Variants in ESR1 observed in about 807,000 individuals in gnomAD.
ESR1 encodes the protein estrogen receptor 1.
ESR1 carries 12 observed loss-of-function variants against 52.7 expected under a neutral mutation model. The observed-to-expected ratio is 0.23, with a 90% CI of 0.15 to 0.37. The LOEUF (loss-of-function observed/expected upper bound fraction) is 0.37, where lower values mean the gene tolerates loss of function less well. Among genes scored for constraint, ESR1 ranks in the 10% least tolerant of loss-of-function variants. ESR1 has a pLI of 1.00. For synonymous variants in ESR1, 305 were observed against 316.8 expected (o/e 0.96, Z 0.39); for missense variants, 584 against 779.7 (o/e 0.75, Z 2.99).
chr6:152,084,704 GAA>G (rs34421368), intron 6 of ESR1, among the ~76,000 whole-genome samples: 59 of 122,802 alleles, frequency 4.8e-4, no homozygotes, highest in East Asian at 1.3e-3. Context: ...GCTTTTAATT[GAA>G]AAAAAAAAAA....
At chr6:151,949,818 A>G (rs951700514) in intron 4 of ESR1, among the ~76,000 whole-genome samples, 1 of 152,252 alleles carries the variant, frequency 6.6e-6, no homozygotes, top group African/African-American at 2.4e-5. Context: ...CCTGGATGCT[A>G]TTAAACCTTT....
intron 4 of ESR1, among the ~76,000 whole-genome samples, chr6:151,987,838 G>C (rs12664544): frequency 0.16 from 24,218 of 152,038 alleles, 2,406 homozygotes; most frequent in East Asian, 0.33. Flanking sequence ...AGTATGCCAT[G>C]TCTATCTTTT....
intron 3 of ESR1, among the ~76,000 whole-genome samples, chr6:151,925,947 A>G (rs1255822040): frequency 6.6e-6 from 1 of 152,148 alleles, no homozygotes; most frequent in Non-Finnish European, 1.5e-5. Context: ...TTATATGTTT[A>G]GATCAATGAT....
intron 6 of ESR1, among the ~76,000 whole-genome samples, chr6:152,114,561 T>C (rs929627381): frequency 2.6e-5 from 4 of 152,146 alleles, no homozygotes; most frequent in Admixed American, 2.0e-4. Flanking sequence ...CTTGTTAACA[T>C]TTATTTCGGG....
chr6:151,963,141 A>G (rs777665828), intron 4 of ESR1, among the ~76,000 whole-genome samples: 2 of 151,862 alleles, frequency 1.3e-5, no homozygotes, highest in Non-Finnish European at 2.9e-5. Flanking sequence ...GAGGCTTGTC[A>G]TAAATATTTG....
chr6:151,789,398 AC>A (rs1008763459), intron 2 of ESR1, among the ~76,000 whole-genome samples: 1 of 152,254 alleles, frequency 6.6e-6, no homozygotes, highest in African/African-American at 2.4e-5. Context: ...TTATAAATGA[AC>A]AAATATGGGA....
chr6:151,879,604 A>C (rs764576029), intron 2 of ESR1, among the ~76,000 whole-genome samples: 2 of 152,214 alleles, frequency 1.3e-5, no homozygotes, highest in African/African-American at 2.4e-5. Context: ...AGGGTTCATC[A>C]TAAAATAACG....
intron 2 of ESR1, among the ~76,000 whole-genome samples, chr6:151,751,066 T>C (rs1032296308): frequency 2.0e-5 from 3 of 152,202 alleles, no homozygotes; most frequent in African/African-American, 7.2e-5. Flanking sequence ...AAGTTAGATA[T>C]TTAAGGAAAC....
At chr6:152,002,162 G>T (rs549483408) in intron 4 of ESR1, among the ~76,000 whole-genome samples, 4 of 149,928 alleles carry the variant, frequency 2.7e-5, no homozygotes, top group Non-Finnish European at 4.4e-5. Flanking sequence ...GCAACAACAG[G>T]TGTTCCTCTA....
intron 2 of ESR1, among the ~76,000 whole-genome samples, chr6:151,748,039 CA>C (rs201200355): frequency 0.015 from 2,290 of 152,252 alleles, 155 homozygotes; most frequent in Admixed American, 0.13. Flanking sequence ...CTATATTTAG[CA>C]CTTCCAGGAA....
rs2047512424 is a variant in ESR1 at position 152,061,180 on chromosome 6, T to G, written c.1369+56T>G. The G allele has an allele frequency of 6.4e-7, 1 of 1,565,230 alleles. No individual in the cohort carries two copies. The highest frequency in any genetic ancestry group is 8.8e-7 in the Non-Finnish European group (1 of 1,137,002). ...TGGATGAAATGTTTATTTGTAGTTT[T>G]CAACCAGATACGATCTACCCACTCC... is the stretch of plus-strand genomic sequence containing the variant. On this transcript the variant is annotated intron_variant, in intron 6 of 7. Transcript: ENST00000206249. The surrounding 1 kb of genome is among the most constrained non-coding windows in gnomAD (Gnocchi z 4.3).
chr6:151,831,063 C>T (rs764595766), intron 1 of ESR1, among the ~76,000 whole-genome samples: 5 of 152,018 alleles, frequency 3.3e-5, no homozygotes, highest in Non-Finnish European at 5.9e-5. Flanking sequence ...TTAACGTTTG[C>T]ATTATAAATT....
chr6:152,114,177 ACTCT>A (rs1355466901), intron 6 of ESR1, among the ~76,000 whole-genome samples: 2 of 151,824 alleles, frequency 1.3e-5, no homozygotes, highest in Admixed American at 6.6e-5. Context: ...AAGCAGGCTG[ACTCT>A]CTGGCACCTG....
Position 152,111,029 on chromosome 6 carries a change from G to A in ESR1, c.851-14237G>A, listed in dbSNP as rs115582733. Among the ~76,000 whole-genome samples, 1,348 of 152,122 alleles carry A rather than the reference G, an allele frequency of 8.9e-3. 27 individuals carry two copies. The highest frequency in any genetic ancestry group is 0.031 in the African/African-American group (1,296 of 41,496). ...ACCAGGAGGAGCTCTATTTCTAGCC[G>A]ATGACCTGAGACCTTGAAGCCTGCA... On this transcript the variant is annotated intron_variant, in intron 6 of 6. Transcript: ENST00000427531.
intron 3 of ESR1, among the ~76,000 whole-genome samples, chr6:151,901,065 G>A (rs909843881): frequency 6.6e-6 from 1 of 152,146 alleles, no homozygotes; most frequent in African/African-American, 2.4e-5. Context: ...CCATCAGGTG[G>A]GGCAAGGCTA....
At chr6:152,064,035 G>A (rs1585072960) in intron 6 of ESR1, among the ~76,000 whole-genome samples, 1 of 152,144 alleles carries the variant, frequency 6.6e-6, no homozygotes, top group African/African-American at 2.4e-5. Context: ...CTTGGGAGTG[G>A]GAGATATTCG....
At chr6:151,663,510 T>A (rs955572185) in intron 1 of ESR1, among the ~76,000 whole-genome samples, 1 of 152,182 alleles carries the variant, frequency 6.6e-6, no homozygotes, top group Admixed American at 6.5e-5. Context: ...TAACTGCCCA[T>A]AATAATTGAA....
chr6:152,079,002 C>T (rs1238809598), intron 6 of ESR1, among the ~76,000 whole-genome samples: 1 of 152,226 alleles, frequency 6.6e-6, no homozygotes, highest in Non-Finnish European at 1.5e-5. Flanking sequence ...GCAGAGCCCA[C>T]CTCAGCTCAG....
chr6:152,115,756 C>G (rs1047313894), intron 6 of ESR1, among the ~76,000 whole-genome samples: 5 of 152,110 alleles, frequency 3.3e-5, no homozygotes, highest in Non-Finnish European at 1.5e-5. Context: ...AGAGGCAATA[C>G]AAATGGAACA....
Sources: gnomAD v4.1 joint callset for allele counts (sites outside exome capture counted in the v4.1 genomes callset) on GRCh38, gnomAD v4.1.1 for gene constraint, Gnocchi (gnomAD v3.1) non-coding constraint, MANE v1.5 for transcripts, NCBI Gene and HGNC (gene_info 2026-07-23, HGNC 2026-07-21) for gene names.